CACNA1E: variants seen among roughly 807,000 people sequenced by gnomAD.
CACNA1E encodes the protein voltage-dependent R-type calcium channel subunit alpha-1E.
A neutral mutation model predicts 259.2 loss-of-function variants in CACNA1E; 40 were observed. That is an observed-to-expected ratio of 0.15 (90% CI 0.12 to 0.20). The LOEUF is 0.20. CACNA1E is among the 10% of genes least tolerant of loss of function. CACNA1E has a pLI of 1.00. For synonymous variants in CACNA1E, 1,104 were observed against 1,138.5 expected, an observed-to-expected ratio of 0.97 and a Z score of 0.61; for missense variants, 1,874 against 3,040.1, an observed-to-expected ratio of 0.62 and a Z score of 9.02.
intron 1 of CACNA1E, among the ~76,000 whole-genome samples, chr1:181,390,390 GTGT>G (rs1277408194): frequency 1.3e-5 from 2 of 152,068 alleles, no homozygotes; most frequent in Non-Finnish European, 1.5e-5. Context: ...AAAAGGAGAG[GTGT>G]TGTTTTTGTT....
At chr1:181,400,097 T>TC in intron 1 of CACNA1E, among the ~76,000 whole-genome samples, 1 of 152,092 alleles carries the variant, frequency 6.6e-6, no homozygotes, top group African/African-American at 2.4e-5. Flanking sequence ...ATCTCAGTGT[T>TC]CCCCCCCACC....
chr1:181,715,268 G>T, intron 8 of CACNA1E, 70 bp from the exon 9 acceptor site: 1 of 931,980 alleles, frequency 1.1e-6, no homozygotes, highest in Non-Finnish European at 1.7e-6. Flanking sequence ...AGTTGTCCCT[G>T]AGGGATTTTA....
chr1:181,594,025 T>C (rs1162378604), intron 6 of CACNA1E, among the ~76,000 whole-genome samples: 3 of 152,172 alleles, frequency 2.0e-5, no homozygotes, highest in Admixed American at 2.0e-4. Context: ...ACATTGAAAA[T>C]GTTAGTGTCC....
At chr1:181,773,443 A>G (rs977916978) in intron 37 of CACNA1E, among the ~76,000 whole-genome samples, 1 of 152,260 alleles carries the variant, frequency 6.6e-6, no homozygotes, top group African/African-American at 2.4e-5. Context: ...GTGTTTTAAT[A>G]CACTTCCTTC....
intron 1 of CACNA1E, among the ~76,000 whole-genome samples, chr1:181,336,562 T>C (rs1005951459): frequency 2.0e-5 from 3 of 152,246 alleles, no homozygotes; most frequent in Admixed American, 6.5e-5. Flanking sequence ...TTTATTGTGG[T>C]AAAATATATA....
intron 38 of CACNA1E, chr1:181,779,631 T>C: frequency 3.7e-6 from 1 of 271,904 alleles, no homozygotes; most frequent in Non-Finnish European, 7.8e-6. Context: ...CTGCGCCACA[T>C]GAGGGAACCT....
At chr1:181,655,014 A>C (rs566614910) in intron 7 of CACNA1E, among the ~76,000 whole-genome samples, 10 of 151,146 alleles carry the variant, frequency 6.6e-5, no homozygotes, top group Non-Finnish European at 1.3e-4. Flanking sequence ...GAAACATAAG[A>C]TATCTTAAGA....
chr1:181,351,195 A>T (rs571197461), intron 1 of CACNA1E, among the ~76,000 whole-genome samples: 1 of 152,158 alleles, frequency 6.6e-6, no homozygotes, highest in Non-Finnish European at 1.5e-5. Context: ...GGTAGGTCTG[A>T]GCTCCTTACT....
At chr1:181,466,360 T>C (rs1662156236) in intron 2 of CACNA1E, among the ~76,000 whole-genome samples, 1 of 150,496 alleles carries the variant, frequency 6.6e-6, no homozygotes, top group Non-Finnish European at 1.5e-5. Flanking sequence ...CTGGCCAACA[T>C]GGCAAAACCA....
chr1:181,716,248 T>A (rs966762584), intron 10 of CACNA1E, 119 bp downstream of exon 10: 6 of 488,012 alleles, frequency 1.2e-5, no homozygotes, highest in African/African-American at 1.2e-4. Context: ...TTTAGGAATG[T>A]AATTAAGGAA....
intron 3 of CACNA1E, among the ~76,000 whole-genome samples, chr1:181,576,080 A>T (rs190009129): frequency 1.3e-5 from 2 of 152,158 alleles, no homozygotes; most frequent in African/African-American, 4.8e-5. Flanking sequence ...CACTGCCCCA[A>T]GTCCCCCCGT....
chr1:181,671,077 A>G (rs1648746570), intron 7 of CACNA1E, among the ~76,000 whole-genome samples: 1 of 152,218 alleles, frequency 6.6e-6, no homozygotes, highest in East Asian at 1.9e-4. Context: ...TCTGTCACCC[A>G]TGCTGGAGTG....
chr1:181,739,432 C>T (rs911566106), intron 25 of CACNA1E, among the ~76,000 whole-genome samples, 179 bp downstream of exon 25: 2 of 152,148 alleles, frequency 1.3e-5, no homozygotes, highest in Non-Finnish European at 1.5e-5. Context: ...CTCCAGCTCA[C>T]GTGACCTGAG....
intron 2 of CACNA1E, among the ~76,000 whole-genome samples, chr1:181,440,166 T>C (rs1158435655): frequency 6.6e-6 from 1 of 152,222 alleles, no homozygotes; most frequent in Non-Finnish European, 1.5e-5. Context: ...ATCTCCAGCA[T>C]TGGGCTACAT....
At chr1:181,346,531 A>C (rs1652605227) in intron 1 of CACNA1E, among the ~76,000 whole-genome samples, 1 of 152,180 alleles carries the variant, frequency 6.6e-6, no homozygotes, top group South Asian at 2.1e-4. Context: ...TGTAGGCTAC[A>C]TTATAGGTCC....
intron 1 of CACNA1E, among the ~76,000 whole-genome samples, chr1:181,502,695 T>TTTTTG (rs1424363570): frequency 1.3e-5 from 2 of 152,064 alleles, no homozygotes; most frequent in Non-Finnish European, 2.9e-5. Context: ...GCTTGTTCTT[T>TTTTTG]TTTTGTTTTG....
intron 25 of CACNA1E, among the ~76,000 whole-genome samples, chr1:181,739,732 T>C (rs1327354077): frequency 6.6e-6 from 1 of 152,208 alleles, no homozygotes; most frequent in Non-Finnish European, 1.5e-5. Flanking sequence ...ACGAGAGCTC[T>C]TCCAGGGATG....
rs149559033 is a variant in CACNA1E, at chr1:181,625,271, C to T, written c.952-26067C>T. 2.4e-3 allele frequency among the ~76,000 whole-genome samples: 372 copies of T among 152,212 alleles called. 2 individuals are homozygous for T. The highest frequency in any genetic ancestry group is 8.6e-3 in the African/African-American group (358 of 41,554). On this transcript the variant is annotated intron_variant, in intron 6 of 47. Transcript: ENST00000367573. ...GTCACCAGTTGCATTAACCTCCTAA[C>T]AAGAGAGTTAGCCTGTTCTTTGAGT...
chr1:181,795,710 G>T (rs1055914123), intron 46 of CACNA1E, among the ~76,000 whole-genome samples: 7 of 149,260 alleles, frequency 4.7e-5, no homozygotes, highest in African/African-American at 1.7e-4. Flanking sequence ...AAAGTGCTGG[G>T]ATTACAGGCG....
Sources: gnomAD v4.1 joint callset for allele counts (sites outside exome capture counted in the v4.1 genomes callset) on GRCh38, gnomAD v4.1.1 for gene constraint, MANE v1.5 for transcripts, NCBI Gene and HGNC (gene_info 2026-07-23, HGNC 2026-07-21) for gene names.